The following TBK1 variants were observed in gnomAD, a reference collection of about 807,000 sequenced individuals.
The protein encoded by TBK1 is serine/threonine-protein kinase TBK1.
TBK1 carries 37 observed loss-of-function variants against 99.9 expected under a neutral mutation model. The ratio of observed to expected loss-of-function variants is 0.37; its 90% CI spans 0.28 to 0.49. The LOEUF (loss-of-function observed/expected upper bound fraction) is 0.49. Ranked by LOEUF, TBK1 falls within the 20% of genes least tolerant of loss-of-function variation. The pLI is 0.98. For missense variants in TBK1, 644 were observed against 872.5 expected (o/e 0.74, Z 3.30); for synonymous variants, 258 against 279.8 (o/e 0.92, Z 0.78).
chr12:64,497,852 TA>T, intron 19 of TBK1, 98 bp downstream of exon 19: 1 of 1,377,730 alleles, frequency 7.3e-7, no homozygotes, highest in Non-Finnish European at 1.0e-6. Context: ...ATGTTTGTTG[TA>T]ATACAATGTT....
At chr12:64,488,321 G>A (rs760587450) in intron 11 of TBK1, among the ~76,000 whole-genome samples, 166 bp from the exon 12 acceptor site, 5 of 152,232 alleles carry the variant, frequency 3.3e-5, no homozygotes, top group Non-Finnish European at 4.4e-5. Context: ...AATACATCAG[G>A]ATCACAGAAA....
intron 3 of TBK1, among the ~76,000 whole-genome samples, chr12:64,463,199 G>A (rs576954406): frequency 1.4e-4 from 21 of 151,784 alleles, no homozygotes; most frequent in Admixed American, 1.2e-3. Context: ...GTGAAACCCC[G>A]TCTCTACTAA....
intron 13 of TBK1, among the ~76,000 whole-genome samples, chr12:64,494,645 AT>A (rs2040907473): frequency 1.3e-5 from 2 of 152,210 alleles, no homozygotes; most frequent in South Asian, 4.1e-4. Context: ...TTTAGAGACA[AT>A]TTATAAATGA....
rs748622208 is a variant in TBK1 at position 64,474,372 on chromosome 12, G to A, written c.683G>A (p.Arg228His). ...CCATTTAGACCCTTTGAAGGGCCTC[G>A]TAGGAATAAAGAAGTGATGTAAGTG... ...SLPFRPFEGPRRNKEVMYKII... is the reference protein window; with the variant it reads ...SLPFRPFEGPHRNKEVMYKII... The change falls in exon 6 of 21, where the codon CGT (arginine) becomes CAT (histidine). Residue 228 changes from arginine (R) to histidine (H), a missense_variant. Transcript: ENST00000331710. 6.2e-6 allele frequency: 10 copies of A among 1,611,548 alleles called. No individual in the cohort carries two copies. Among genetic ancestry groups the A allele is most frequent in the Non-Finnish European group, 7.6e-6 (9 of 1,179,346 alleles).
intron 5 of TBK1, among the ~76,000 whole-genome samples, chr12:64,471,834 C>T (rs1445799978): frequency 6.9e-6 from 1 of 145,878 alleles, no homozygotes; most frequent in Non-Finnish European, 1.5e-5. Flanking sequence ...ATGTGTCAAG[C>T]CACCCCAAGT....
At chr12:64,466,334 C>T (rs61933198) in intron 4 of TBK1, among the ~76,000 whole-genome samples, 15,414 of 152,132 alleles carry the variant, frequency 0.1, 900 homozygotes, top group Middle Eastern at 0.22. Flanking sequence ...GCAAAGTAGA[C>T]AACTTTGCCC....
At chr12:64,492,792 G>A (rs900865246) in intron 13 of TBK1, among the ~76,000 whole-genome samples, 2 of 151,030 alleles carry the variant, frequency 1.3e-5, no homozygotes, top group Non-Finnish European at 2.9e-5. Flanking sequence ...GCGTAATCTC[G>A]GCTCACTGCT....
intron 1 of TBK1, among the ~76,000 whole-genome samples, chr12:64,454,919 C>T (rs1197986759): frequency 4.0e-5 from 6 of 151,368 alleles, no homozygotes; most frequent in Middle Eastern, 3.2e-3. Context: ...CCTCGTGATC[C>T]GCCCGCCTCG....
chr12:64,474,423 C>A (rs1461947100), intron 6 of TBK1, 33 bp downstream of exon 6: 2 of 1,574,616 alleles, frequency 1.3e-6, no homozygotes, highest in Admixed American at 1.8e-5. Context: ...ATCAGAGAAG[C>A]ATTTAAAAAA....
At chr12:64,486,162 G>A (rs889320196) in intron 11 of TBK1, 145 bp downstream of exon 11, 2 of 520,734 alleles carry the variant, frequency 3.8e-6, no homozygotes, top group African/African-American at 4.0e-5. Context: ...AAAACATTTA[G>A]CAGCTCATTT....
chr12:64,499,622 G>GT (rs1441341304), intron 20 of TBK1, among the ~76,000 whole-genome samples: 1 of 145,832 alleles, frequency 6.9e-6, no homozygotes, highest in Non-Finnish European at 1.5e-5. Context: ...CCAGTTTACA[G>GT]TTTCTTCAGA....
intron 8 of TBK1, among the ~76,000 whole-genome samples, chr12:64,483,621 A>C (rs78253940): frequency 0.011 from 1,654 of 152,194 alleles, 34 homozygotes; most frequent in African/African-American, 0.038. Flanking sequence ...GTTTTATAGG[A>C]AGTTAGTGGA....
intron 1 of TBK1, chr12:64,452,516 G>C (rs1004960016): frequency 6.6e-6 from 1 of 152,236 alleles, no homozygotes; most frequent in African/African-American, 2.4e-5. Context: ...TGGGCATAAA[G>C]AGGACGACTC....
chr12:64,497,076 T>C, intron 17 of TBK1, 26 bp downstream of exon 17: 10 of 1,595,460 alleles, frequency 6.3e-6, no homozygotes, highest in Non-Finnish European at 7.7e-6. Context: ...TTGGAGTGAT[T>C]AGTGGTTGAC....
At chr12:64,496,597 G>A (rs1247602180) in intron 16 of TBK1, among the ~76,000 whole-genome samples, 191 bp downstream of exon 16, 2 of 152,186 alleles carry the variant, frequency 1.3e-5, no homozygotes, top group African/African-American at 4.8e-5. Context: ...AAGTTACCAT[G>A]ATGGGAGAAG....
intron 5 of TBK1, among the ~76,000 whole-genome samples, chr12:64,468,367 C>T (rs1331642651): frequency 6.6e-6 from 1 of 151,820 alleles, no homozygotes; most frequent in African/African-American, 2.4e-5. Flanking sequence ...GTGGCGTGTG[C>T]CTGTAATCTC....
At position 64,455,080 on chromosome 12, in the gene TBK1, G is replaced by A. The variant is rs149993278; in HGVS notation, c.-31-760G>A. 4.1e-3 allele frequency among the ~76,000 whole-genome samples: 618 copies of A among 150,632 alleles called. 6 individuals are homozygous for A. The highest frequency in any genetic ancestry group is 0.014 in the African/African-American group (573 of 40,906). ...TCAGCTCACTGCAGCCTCTGCTTCC[G>A]GGTTGAAGTTATTCTCCTGTTGCAG... On this transcript the variant is annotated intron_variant, in intron 1 of 20. Coordinates refer to ENST00000331710, the MANE Select transcript of TBK1 (RefSeq NM_013254.4).
At chr12:64,458,171 A>G (rs1243672744) in intron 2 of TBK1, among the ~76,000 whole-genome samples, 1 of 151,950 alleles carries the variant, frequency 6.6e-6, no homozygotes, top group Non-Finnish European at 1.5e-5. Flanking sequence ...TTAGTCCCCA[A>G]CAGTTTTCCT....
chr12:64,484,104 A>G, intron 8 of TBK1, 199 bp from the exon 9 acceptor site: 1 of 443,860 alleles, frequency 2.3e-6, no homozygotes, highest in South Asian at 4.0e-5. Context: ...AAACATAAAA[A>G]TACTTTAGAA....
Sources: allele counts gnomAD v4.1 joint callset (sites outside exome capture counted in the v4.1 genomes callset), GRCh38; gene constraint gnomAD v4.1.1; transcripts MANE v1.5; gene names NCBI Gene and HGNC (gene_info 2026-07-23, HGNC 2026-07-21).